Variants in FNDC3A observed in about 807,000 individuals in gnomAD.
FNDC3A encodes fibronectin type-III domain-containing protein 3A.
Under a neutral mutation model 148.9 loss-of-function variants are expected in FNDC3A, and 32 were observed. The ratio of observed to expected loss-of-function variants is 0.21; its 90% CI spans 0.16 to 0.29. The LOEUF is 0.29. FNDC3A is among the 10% of genes least tolerant of loss of function. FNDC3A has a pLI of 1.00. For synonymous variants in FNDC3A, 472 were observed against 473.6 expected (o/e 1.00, Z 0.04); for missense variants, 1,191 against 1,452.8 (o/e 0.82, Z 2.93).
intron 3 of FNDC3A, among the ~76,000 whole-genome samples, chr13:49,105,561 G>A (rs915975332): frequency 3.5e-4 from 53 of 152,156 alleles, no homozygotes; most frequent in African/African-American, 1.3e-3. Context: ...TTGAACTCCA[G>A]AATAGTAAAA....
At chr13:49,007,973 C>G (rs942980718) in intron 2 of FNDC3A, among the ~76,000 whole-genome samples, 1 of 152,038 alleles carries the variant, frequency 6.6e-6, no homozygotes, top group Middle Eastern at 3.4e-3. Context: ...TTTTGGTTGC[C>G]GAAGACAAGT....
chr13:49,036,133 CA>C (rs1363676876), intron 2 of FNDC3A, among the ~76,000 whole-genome samples: 1 of 152,086 alleles, frequency 6.6e-6, no homozygotes, highest in Non-Finnish European at 1.5e-5. Flanking sequence ...CTTAACTTCT[CA>C]GGAAACTCAG....
intron 2 of FNDC3A, among the ~76,000 whole-genome samples, chr13:49,061,338 C>T (rs1593532214): frequency 3.0e-4 from 1 of 3,372 alleles, no homozygotes; most frequent in South Asian, 0.021. Flanking sequence ...CCTTCCCTTC[C>T]CTTCCCTTCC....
intron 1 of FNDC3A, among the ~76,000 whole-genome samples, chr13:48,995,156 C>G (rs1952000505): frequency 6.6e-6 from 1 of 152,148 alleles, no homozygotes; most frequent in African/African-American, 2.4e-5. Flanking sequence ...CTCAGGTGGT[C>G]CTCCTGCTTC....
intron 11 of FNDC3A, 56 bp from the exon 12 acceptor site, chr13:49,174,379 A>C: frequency 6.9e-7 from 1 of 1,450,296 alleles, no homozygotes; most frequent in Non-Finnish European, 9.6e-7. Context: ...AATTGATGCG[A>C]ATTTATCTTT....
At chr13:49,045,633 A>G in intron 2 of FNDC3A, 1 of 719,710 alleles carries the variant, frequency 1.4e-6, no homozygotes, top group Non-Finnish European at 2.2e-6. Context: ...TCTGTTAAGG[A>G]TGCTCTTCTA....
At chr13:48,978,985 T>C (rs1951651910) in intron 1 of FNDC3A, among the ~76,000 whole-genome samples, 1 of 152,230 alleles carries the variant, frequency 6.6e-6, no homozygotes, top group Non-Finnish European at 1.5e-5. Flanking sequence ...TCTTTATTCT[T>C]ACCTTTCTGT....
rs1209710157 is a variant in FNDC3A at position 49,126,267 on chromosome 13, TTTG to T, written c.253-4867_253-4865del. Among the ~76,000 whole-genome samples, 8 of 148,290 alleles carry T rather than the reference TTTG, an allele frequency of 5.4e-5. No homozygotes were observed. The East Asian group carries it at 1.3e-3, about 23-fold the overall frequency. The stretch of plus-strand genomic sequence containing the variant: ...CTACATCTTAGGTTTGGGGGTTTTT[TTTG>T]TTTGTTTTTTTAATTGTGGTAAAAC... On this transcript the variant is annotated intron_variant, in intron 4 of 25. Transcript: ENST00000492622.
intron 2 of FNDC3A, among the ~76,000 whole-genome samples, chr13:49,057,751 G>A (rs1030046238): frequency 2.6e-5 from 4 of 151,918 alleles, no homozygotes; most frequent in Admixed American, 2.6e-4. Flanking sequence ...TGGTATCTTG[G>A]CTTTAAAAAT....
chr13:49,010,071 CAGGT>C (rs1319399890), intron 2 of FNDC3A, among the ~76,000 whole-genome samples: 1 of 152,146 alleles, frequency 6.6e-6, no homozygotes, highest in Non-Finnish European at 1.5e-5. Context: ...TCATGTCATA[CAGGT>C]AGGGCCAAAG....
At chr13:49,167,447 C>A in intron 9 of FNDC3A, 144 bp downstream of exon 9, 2 of 548,898 alleles carry the variant, frequency 3.6e-6, no homozygotes, top group East Asian at 3.1e-5. Context: ...CGCAGTGCGC[C>A]CGTAATCCCA....
intron 3 of FNDC3A, among the ~76,000 whole-genome samples, chr13:49,086,325 A>G (rs1031212094): frequency 1.3e-5 from 2 of 152,178 alleles, no homozygotes; most frequent in Non-Finnish European, 2.9e-5. Flanking sequence ...CTATTAATTT[A>G]TAGCCGTAGG....
chr13:49,207,516 AT>A lies in FNDC3A; in HGVS notation c.*126del, dbSNP rs1886708501. The A allele has an allele frequency of 1.5e-6, 1 of 645,430 alleles. No individual in the cohort carries two copies. Among genetic ancestry groups the A allele is most frequent in the African/African-American group, 1.8e-5 (1 of 54,260 alleles). 40.0% of individuals were successfully genotyped at this position (645,430 alleles called of 1,614,324 possible). ...ACTGGCATTGAGACTATAGCACATC[AT>A]TTTTGCCATTTTCAGTGCTTATATT... On this transcript the variant is annotated 3_prime_UTR_variant, in exon 26 of 26. Coordinates refer to ENST00000492622, the MANE Select transcript of FNDC3A (RefSeq NM_001079673.2).
intron 1 of FNDC3A, chr13:48,987,915 G>A (rs932379342): frequency 6.6e-6 from 1 of 152,136 alleles, no homozygotes; most frequent in East Asian, 1.9e-4. Flanking sequence ...AAATTTGTGC[G>A]TGCTTTGGCA....
intron 1 of FNDC3A, among the ~76,000 whole-genome samples, chr13:48,995,878 G>C (rs992985775): frequency 6.6e-6 from 1 of 152,118 alleles, no homozygotes; most frequent in African/African-American, 2.4e-5. Context: ...TTCATCTCAG[G>C]AAATTCCACC....
Position 49,005,565 on chromosome 13 carries a change from ATAAG to A in FNDC3A, c.-39-579_-39-576del, listed in dbSNP as rs1209561459. ...CTTAGAAAAGAGTAATACAATCAAA[ATAAG>A]TAAGTAATATAAGAGCTTGAAACTT... On this transcript the variant is annotated intron_variant, in intron 1 of 25. Transcript: ENST00000492622. Among the ~76,000 whole-genome samples, 7 of 152,088 alleles carry A rather than the reference ATAAG, an allele frequency of 4.6e-5. No homozygotes were observed. The East Asian group carries it at 9.6e-4, about 21-fold the overall frequency.
At chr13:49,046,601 A>C (rs940752803) in intron 2 of FNDC3A, 1 of 164,910 alleles carries the variant, frequency 6.1e-6, no homozygotes, top group African/African-American at 2.4e-5. Flanking sequence ...TCATTTTCAG[A>C]CAGATATTCT....
At chr13:49,016,449 C>T (rs146840877) in intron 2 of FNDC3A, among the ~76,000 whole-genome samples, 2,346 of 152,146 alleles carry the variant, frequency 0.015, 60 homozygotes, top group African/African-American at 0.052. Context: ...CTGGTGATAT[C>T]CCCTTTATCA....
At chr13:49,177,670 G>A (rs1166971096) in intron 13 of FNDC3A, among the ~76,000 whole-genome samples, 1 of 152,162 alleles carries the variant, frequency 6.6e-6, no homozygotes, top group Non-Finnish European at 1.5e-5. Context: ...ACAAAATGTG[G>A]TGTATCCATA....
Sources: allele counts gnomAD v4.1 joint callset (sites outside exome capture counted in the v4.1 genomes callset), GRCh38; gene constraint gnomAD v4.1.1; transcripts MANE v1.5; gene names NCBI Gene and HGNC (gene_info 2026-07-23, HGNC 2026-07-21).